Variants in DCN observed in about 807,000 individuals in gnomAD.
DCN encodes the protein decorin.
DCN carries 17 observed loss-of-function variants against 36.5 expected under a neutral mutation model. The ratio of observed to expected loss-of-function variants is 0.47; its 90% CI spans 0.32 to 0.70. DCN has a LOEUF of 0.70. Ranked by LOEUF, DCN falls within the 30% of genes least tolerant of loss-of-function variation. The pLI, the probability that DCN is intolerant of heterozygous loss-of-function variation, is 0.04. For missense variants in DCN, 389 were observed against 430.1 expected, an observed-to-expected ratio of 0.90 and a Z score of 0.84; for synonymous variants, 163 against 161.4, an observed-to-expected ratio of 1.01 and a Z score of -0.07.
intron 7 of DCN, among the ~76,000 whole-genome samples, chr12:91,148,517 A>G (rs966865492): frequency 1.3e-5 from 2 of 151,754 alleles, no homozygotes; most frequent in African/African-American, 4.8e-5. Context: ...GGTGTTCAAG[A>G]CCAGCCTCAC....
intron 3 of DCN, among the ~76,000 whole-genome samples, chr12:91,163,044 G>A (rs1882261035): frequency 6.6e-6 from 1 of 152,208 alleles, no homozygotes; most frequent in Admixed American, 6.5e-5. Flanking sequence ...AGTAGACACA[G>A]TGAGATTTCC....
intron 5 of DCN, among the ~76,000 whole-genome samples, chr12:91,155,582 G>A (rs997884102): frequency 2.0e-5 from 3 of 152,056 alleles, no homozygotes; most frequent in Admixed American, 6.6e-5. Flanking sequence ...TCATCTGGCT[G>A]CATGAAATAA....
chr12:91,178,435 C>G lies in DCN; in HGVS notation c.118G>C (p.Val40Leu). The change falls in exon 2 of 8, where the codon GTT (valine) becomes CTT (leucine). Residue 40 changes from valine to leucine, a missense_variant. Physicochemically the swap from Val to Leu is conservative, Grantham distance 32. Transcript: ENST00000052754. Reference sequence around the variant, plus strand: ...GGCTCGAAGTCGCGGTCATCAGGAACTTCTGGGCCTATCCCAGAAGCCTCA... The same window carrying G: ...GGCTCGAAGTCGCGGTCATCAGGAAGTTCTGGGCCTATCCCAGAAGCCTCA... ...EDEASGIGPE[V>L]PDDRDFEPSL... The G allele has an allele frequency of 6.2e-7, 1 of 1,613,974 alleles. No individual in the cohort carries two copies.
rs1455352171 is a variant in DCN, at chr12:91,145,474, C to A, written c.*584G>T. ...TTGTCAACAAACCAATGTCTTCTCC[C>A]TTCATAAAATTGTGTTTAGGGAATA... is the stretch of plus-strand genomic sequence containing the variant. On this transcript the variant is annotated 3_prime_UTR_variant, in exon 8 of 8. Coordinates refer to ENST00000052754, the MANE Select transcript of DCN (RefSeq NM_001920.5). 9 of 157,842 alleles carry A rather than the reference C, an allele frequency of 5.7e-5. No homozygotes were observed. The South Asian group carries it at 1.6e-3, about 29-fold the overall frequency. 9.8% of individuals were successfully genotyped at this position (157,842 alleles called of 1,614,324 possible).
At chr12:91,174,189 A>C (rs1328676981) in intron 2 of DCN, among the ~76,000 whole-genome samples, 5 of 152,142 alleles carry the variant, frequency 3.3e-5, no homozygotes, top group African/African-American at 4.8e-5. Flanking sequence ...GGTTTGGAGA[A>C]CATTCAATTG....
At position 91,144,432 on chromosome 12, in the gene DCN, G is replaced by A. The variant is rs1266074107; in HGVS notation, c.*1626C>T. The A allele has an allele frequency of 1.3e-5, 2 of 152,126 alleles. No individual in the cohort carries two copies. The highest frequency in any genetic ancestry group is 2.4e-5 in the African/African-American group (1 of 41,432). The allele number at this position is 152,126 out of a possible 1,614,324, so 9.4% of individuals were successfully genotyped here. A position where few individuals can be genotyped will look rare whatever the true frequency, so the allele number is the denominator to read the frequency against. On this transcript the variant is annotated 3_prime_UTR_variant, in exon 8 of 8. Transcript: ENST00000052754. ...ACCTATTCAACTGTAGTCATGAGAG[G>A]AGGATCTCTTGGGAGATGAAAAAGA...
chr12:91,168,743 A>T (rs1882743490), intron 2 of DCN, among the ~76,000 whole-genome samples: 1 of 152,230 alleles, frequency 6.6e-6, no homozygotes, highest in African/African-American at 2.4e-5. Context: ...GTTTCCAGGA[A>T]TATTTTATAA....
chr12:91,153,415 C>T (rs1881563617), intron 5 of DCN, among the ~76,000 whole-genome samples: 1 of 151,846 alleles, frequency 6.6e-6, no homozygotes, highest in East Asian at 1.9e-4. Context: ...TAACAAAAAC[C>T]TGGATGATTT....
chr12:91,159,043 T>C (rs1358580483), intron 3 of DCN, among the ~76,000 whole-genome samples: 1 of 151,818 alleles, frequency 6.6e-6, no homozygotes, highest in Non-Finnish European at 1.5e-5. Context: ...AATATATACA[T>C]AAACATACAT....
At chr12:91,177,803 G>T in intron 2 of DCN, 1 of 664,746 alleles carries the variant, frequency 1.5e-6, no homozygotes, top group East Asian at 2.8e-5. Flanking sequence ...AAGACTCAGA[G>T]ATTAAGGGAG....
intron 2 of DCN, among the ~76,000 whole-genome samples, chr12:91,171,049 A>G (rs1421192296): frequency 6.6e-6 from 1 of 152,186 alleles, no homozygotes; most frequent in African/African-American, 2.4e-5. Context: ...TGATATAAAA[A>G]GTAAAATGTT....
At chr12:91,172,292 C>T (rs1005475877) in intron 2 of DCN, 1 of 153,010 alleles carries the variant, frequency 6.5e-6, no homozygotes, top group Non-Finnish European at 1.5e-5. Context: ...TGCCATGTGG[C>T]AGGAGTCCAA....
At chr12:91,148,724 A>AAAAAAAAAG in intron 7 of DCN, among the ~76,000 whole-genome samples, 1 of 135,796 alleles carries the variant, frequency 7.4e-6, no homozygotes, top group African/African-American at 3.4e-5. Context: ...TCCGACTCAA[A>AAAAAAAAAG]AAAAAAAAAA....
At chr12:91,149,292 A>T (rs779375869) in intron 7 of DCN, among the ~76,000 whole-genome samples, 13 of 152,238 alleles carry the variant, frequency 8.5e-5, no homozygotes, top group Non-Finnish European at 1.5e-4. Flanking sequence ...GGTTTAACTT[A>T]TGAAAATCAA....
rs1334838967 is a variant in DCN, at chr12:91,178,500, G to A, written c.53C>T (p.Pro18Leu). ...LLLAQVSWAGPFQQRGLFDFM... is the reference protein window; with the variant it reads ...LLLAQVSWAGLFQQRGLFDFM... ...GTCAAATAAGCCTCTCTGTTGAAAC[G>A]GTCCAGCCCAGGAAACTTGTGCAAG... Residue 18 changes from proline to leucine, a missense_variant, in exon 2 of 8, where the codon CCG becomes CTG. Pro to Leu is a moderately conservative substitution (Grantham distance 98). Transcript: ENST00000052754. The A allele has an allele frequency of 6.2e-6, 10 of 1,613,704 alleles. No homozygotes were observed. The highest frequency in any genetic ancestry group is 5.0e-5 in the Admixed American group (3 of 59,920).
At chr12:91,177,207 TA>T in intron 2 of DCN, 1 of 204,274 alleles carries the variant, frequency 4.9e-6, no homozygotes, top group Non-Finnish European at 9.8e-6. Flanking sequence ...TTTAAATAGC[TA>T]TACAATATAT....
chr12:91,149,727 A>G (rs1307669926), intron 7 of DCN, among the ~76,000 whole-genome samples: 1 of 152,226 alleles, frequency 6.6e-6, no homozygotes, highest in African/African-American at 2.4e-5. Flanking sequence ...TACTGCAACT[A>G]AAAACAAATT....
Position 91,145,772 on chromosome 12 carries a change from C to A in DCN, c.*286G>T. On this transcript the variant is annotated 3_prime_UTR_variant, in exon 8 of 8. Coordinates refer to ENST00000052754, the MANE Select transcript of DCN (RefSeq NM_001920.5). ...AAAGAAAAGCTTTACTAAATATTGA[C>A]ATATATATTTACTCCAAATTTTACA... The A allele has an allele frequency of 2.2e-6, 1 of 449,158 alleles. No homozygotes were observed. The highest frequency in any genetic ancestry group is 4.1e-6 in the Non-Finnish European group (1 of 243,068). 27.8% of individuals were successfully genotyped at this position (449,158 alleles called of 1,614,324 possible). A position where few individuals can be genotyped will look rare whatever the true frequency, so the allele number is the denominator to read the frequency against.
chr12:91,158,342 T>C lies in DCN; in HGVS notation c.492A>G (p.Lys164=). 1 of 1,614,004 alleles carries C rather than the reference T, an allele frequency of 6.2e-7. No individual in the cohort carries two copies. Among genetic ancestry groups the C allele is most frequent in the Non-Finnish European group, 8.5e-7 (1 of 1,179,838 alleles). Residue 164 remains lysine (K), a synonymous_variant, in exon 4 of 8, where the codon AAA becomes AAG. Coordinates refer to ENST00000052754, the MANE Select transcript of DCN (RefSeq NM_001920.5). Reference sequence around the variant, plus strand: ...GTCCATTGAAAGTAACTTTTCGCACTTTGGTGATCTCATTCTCATGGGCAC... The same window carrying C: ...GTCCATTGAAAGTAACTTTTCGCACCTTGGTGATCTCATTCTCATGGGCAC... ...ELRAHENEIT[K]VRKVTFNGLN...
Sources: gnomAD v4.1 joint callset for allele counts (sites outside exome capture counted in the v4.1 genomes callset) on GRCh38, gnomAD v4.1.1 for gene constraint, MANE v1.5 for transcripts, NCBI Gene and HGNC (gene_info 2026-07-23, HGNC 2026-07-21) for gene names.